TNK2: variants seen among roughly 807,000 people sequenced by gnomAD.
The protein encoded by TNK2 is tyrosine kinase non receptor 2.
TNK2 carries 83 observed loss-of-function variants against 101.8 expected under a neutral mutation model. That is an observed-to-expected ratio of 0.82 (90% confidence interval 0.68 to 0.98). The LOEUF is 0.98. Among genes scored for constraint, TNK2 ranks in the 50% least tolerant of loss-of-function variants. The pLI is 0.00. For synonymous variants in TNK2, 804 were observed against 633.0 expected, an observed-to-expected ratio of 1.27 and a Z score of -4.06; for missense variants, 1,665 against 1,483.2, an observed-to-expected ratio of 1.12 and a Z score of -2.01.
intron 1 of TNK2, among the ~76,000 whole-genome samples, chr3:195,889,047 G>T (rs1048429365): frequency 6.6e-6 from 1 of 152,034 alleles, no homozygotes; most frequent in Non-Finnish European, 1.5e-5. Flanking sequence ...ACCCATCTAT[G>T]GGCTCCTTAG....
At position 195,882,427 on chromosome 3, in the gene TNK2, G is replaced by C. The variant is rs1159817982; in HGVS notation, c.610-99C>G. The stretch of plus-strand genomic sequence containing the variant: ...CAGTCCCCTTCCTGAAGGCTTTCCA[G>C]AGCCAGGCTGCACGCACCTTCCTGG... On this transcript the variant is annotated intron_variant, in intron 5 of 15. Transcript: ENST00000672887. The surrounding 1 kb of genome is among the most constrained non-coding windows in gnomAD (Gnocchi z 4.2). 6.4e-7 allele frequency: 1 copy of C among 1,566,044 alleles called. No homozygotes were observed. The highest frequency in any genetic ancestry group is 1.9e-5 in the Admixed American group (1 of 53,218).
At chr3:195,864,781 C>A (rs1268144181) in intron 15 of TNK2, among the ~76,000 whole-genome samples, 2 of 143,410 alleles carry the variant, frequency 1.4e-5, no homozygotes, top group East Asian at 2.1e-4. Flanking sequence ...TCAGTAAGAA[C>A]CACCCGAGAC....
intron 1 of TNK2, among the ~76,000 whole-genome samples, chr3:195,893,036 G>A (rs1368630547): frequency 2.0e-5 from 3 of 151,912 alleles, no homozygotes; most frequent in African/African-American, 2.4e-5. Flanking sequence ...CTTTAGGGTG[G>A]CGGCTATGTG....
intron 1 of TNK2, chr3:195,896,319 A>G (rs1760495371): frequency 6.3e-6 from 2 of 318,020 alleles, no homozygotes; most frequent in South Asian, 2.2e-5. Context: ...CAGAGGAGAG[A>G]CAGATGCTGT....
chr3:195,889,795 G>C (rs545797401), intron 1 of TNK2, among the ~76,000 whole-genome samples: 1 of 152,230 alleles, frequency 6.6e-6, no homozygotes, highest in Non-Finnish European at 1.5e-5. Context: ...CCCTGTCTGC[G>C]TAAGGTGTGT....
chr3:195,900,757 A>G (rs1441315536), intron 1 of TNK2, among the ~76,000 whole-genome samples: 2 of 152,188 alleles, frequency 1.3e-5, no homozygotes, highest in African/African-American at 4.8e-5. Context: ...CTGCCCATGC[A>G]CTGTCACGGC....
Position 195,878,631 on chromosome 3 carries a change from G to A in TNK2, c.1015-39C>T, listed in dbSNP as rs1750739317. The A allele has an allele frequency of 1.9e-6, 3 of 1,598,990 alleles. No homozygotes were observed. Among genetic ancestry groups the A allele is most frequent in the Non-Finnish European group, 2.6e-6 (3 of 1,171,304 alleles). On this transcript the variant is annotated intron_variant, in intron 7 of 15. Coordinates refer to ENST00000672887, the MANE Select transcript of TNK2 (RefSeq NM_001382273.1). The surrounding 1 kb of genome is among the most constrained non-coding windows in gnomAD (Gnocchi z 4.7). The stretch of plus-strand genomic sequence containing the variant: ...GGTGCAGAGTTTGACGACAAACAGA[G>A]CGCCCAGCCCTTCACTTCCCGCCTT...
intron 9 of TNK2, among the ~76,000 whole-genome samples, chr3:195,873,640 G>A (rs1056261938): frequency 2.6e-5 from 4 of 152,174 alleles, no homozygotes; most frequent in South Asian, 4.1e-4. Context: ...GGGCCAAAGC[G>A]TGAAGAAGGG....
chr3:195,890,729 TAC>T (rs1156731020), intron 1 of TNK2, among the ~76,000 whole-genome samples: 3 of 152,216 alleles, frequency 2.0e-5, no homozygotes, highest in Non-Finnish European at 4.4e-5. Flanking sequence ...CTCCTGGCCT[TAC>T]AGTTTTAATA....
chr3:195,883,624 T>A, intron 4 of TNK2: 1 of 245,106 alleles, frequency 4.1e-6, no homozygotes, highest in South Asian at 5.9e-5. Context: ...AAAATGGAAT[T>A]TTTTTTTTTG....
intron 6 of TNK2, among the ~76,000 whole-genome samples, chr3:195,880,716 A>T (rs1390524322): frequency 1.3e-5 from 1 of 76,844 alleles, no homozygotes; most frequent in African/African-American, 6.5e-5. Flanking sequence ...TATCCCTGTA[A>T]CACCCCCCCA....
Position 195,881,943 on chromosome 3 carries a change from A to G in TNK2, c.887+108T>C, listed in dbSNP as rs146864403. The G allele has an allele frequency of 1.1e-4, 150 of 1,349,334 alleles. 1 individual carries two copies. The African/African-American group carries it at 1.7e-3, about 16-fold the overall frequency. The allele number at this position is 1,349,334 out of a possible 1,614,324, so 83.6% of individuals were successfully genotyped here. ...GGGCACCCCAGGCTTAGAACAGACA[A>G]GGGCAGGCCCAAGCAAAACCAGGGG... is the stretch of plus-strand genomic sequence containing the variant. On this transcript the variant is annotated intron_variant, in intron 6 of 15. Coordinates refer to ENST00000672887, the MANE Select transcript of TNK2 (RefSeq NM_001382273.1).
In TNK2 at chr3:195,878,147, T is replaced by C; in HGVS notation, c.1256+106A>G. 1.6e-6 allele frequency: 2 copies of C among 1,216,710 alleles called. No individual in the cohort carries two copies. Among genetic ancestry groups the C allele is most frequent in the South Asian group, 2.5e-5 (2 of 80,938 alleles). 75.4% of individuals were successfully genotyped at this position (1,216,710 alleles called of 1,614,324 possible). A position where few individuals can be genotyped will look rare whatever the true frequency, so the allele number is the denominator to read the frequency against. On this transcript the variant is annotated intron_variant, in intron 9 of 15. Transcript: ENST00000672887. The surrounding 1 kb of genome is among the most constrained non-coding windows in gnomAD (Gnocchi z 4.7). Reference sequence around the variant, plus strand: ...GGGTTCAGGCCCAACCGCCAGCCTGTATGTGGCCAAGGGAATCTTGGAGGC... The same window carrying C: ...GGGTTCAGGCCCAACCGCCAGCCTGCATGTGGCCAAGGGAATCTTGGAGGC...
At chr3:195,870,775 G>A (rs1424035391) in intron 10 of TNK2, among the ~76,000 whole-genome samples, 1 of 152,264 alleles carries the variant, frequency 6.6e-6, no homozygotes, top group Non-Finnish European at 1.5e-5. Context: ...CCAGGAGTGG[G>A]GCAGAGGGCA....
intron 1 of TNK2, among the ~76,000 whole-genome samples, chr3:195,898,380 G>T (rs1760865187): frequency 6.6e-6 from 1 of 152,144 alleles, no homozygotes; most frequent in Admixed American, 6.5e-5. Flanking sequence ...CATCTGTAAA[G>T]AGGGGAAAAA....
At position 195,892,473 on chromosome 3, in the gene TNK2, G is replaced by T. The variant is rs772295026; in HGVS notation, c.-18-3867C>A. On this transcript the variant is annotated intron_variant, in intron 1 of 15. Transcript: ENST00000672887. ...AAGGAGAGCTCCAGGCCAGGGAACC[G>T]ACGTGCTGCCGGCATCTCCACGCAG... is the stretch of plus-strand genomic sequence containing the variant. 5 of 1,535,498 alleles carry T rather than the reference G, an allele frequency of 3.3e-6. No homozygotes were observed. In the South Asian group the frequency reaches 6.0e-5, roughly 18 times the overall value.
chr3:195,897,829 A>T (rs935285079), intron 1 of TNK2, among the ~76,000 whole-genome samples: 2 of 13,234 alleles, frequency 1.5e-4, no homozygotes, highest in Non-Finnish European at 1.8e-4. Context: ...CCCCCCCCCC[A>T]CCCCCCGCCC....
At position 195,888,227 on chromosome 3, in the gene TNK2, G is replaced by A. The variant is rs35443697; in HGVS notation, c.163+199C>T. ...TCCTGTGTAGCCAGCTTTAGGGAAG[G>A]CCTCACTCTCCTCAAACTCCAATTC... On this transcript the variant is annotated intron_variant, in intron 2 of 15. Transcript: ENST00000672887. The surrounding 1 kb of genome is among the most constrained non-coding windows in gnomAD (Gnocchi z 5.3). Among the ~76,000 whole-genome samples the A allele has an allele frequency of 0.035, 5,263 of 152,146 alleles. 281 individuals are homozygous for A. Among genetic ancestry groups the A allele is most frequent in the East Asian group, 0.24 (1,238 of 5,168 alleles).
Position 195,867,546 on chromosome 3 carries a change from C to A in TNK2, c.2752G>T (p.Ala918Ser). The change falls in exon 13 of 16, where the codon GCC becomes TCC. Residue 918 changes from alanine (A) to serine (S), a missense_variant. Coordinates refer to ENST00000672887, the MANE Select transcript of TNK2 (RefSeq NM_001382273.1). ...GGCCGCACGGTGGCCGTGGGGGCGG[C>A]GGGGGCTGGGGTGCTGGGTGGGGGC... Reference protein sequence around the residue: ...LLPPPSTPAPAAPTATVRPMP... With the variant: ...LLPPPSTPAPSAPTATVRPMP... 2 of 377,754 alleles carry A rather than the reference C, an allele frequency of 5.3e-6. No individual in the cohort carries two copies. The highest frequency in any genetic ancestry group is 3.0e-5 in the South Asian group (1 of 32,996). 23.4% of individuals were successfully genotyped at this position (377,754 alleles called of 1,614,324 possible). A position where few individuals can be genotyped will look rare whatever the true frequency, so the allele number is the denominator to read the frequency against.
Sources: allele counts gnomAD v4.1 joint callset (sites outside exome capture counted in the v4.1 genomes callset), GRCh38; gene constraint gnomAD v4.1.1; non-coding constraint Gnocchi (gnomAD v3.1); transcripts MANE v1.5; gene names NCBI Gene and HGNC (gene_info 2026-07-23, HGNC 2026-07-21).